PDZRN4: variants seen among roughly 807,000 people sequenced by gnomAD.
PDZRN4 encodes the protein PDZ domain containing ring finger 4, also known as PDZ domain-containing RING finger protein 4.
PDZRN4 carries 70 observed loss-of-function variants against 99.0 expected under a neutral mutation model. The ratio of observed to expected loss-of-function variants is 0.71; its 90% CI spans 0.58 to 0.86. PDZRN4 has a LOEUF of 0.86. PDZRN4 is among the 40% of genes least tolerant of loss of function. The pLI, the probability that PDZRN4 is intolerant of heterozygous loss-of-function variation, is 0.00. For missense variants in PDZRN4, 1,474 were observed against 1,331.2 expected (o/e 1.11, Z -1.67); for synonymous variants, 551 against 501.6 (o/e 1.10, Z -1.32).
At chr12:41,326,112 T>C (rs1951707964) in intron 3 of PDZRN4, among the ~76,000 whole-genome samples, 1 of 151,232 alleles carries the variant, frequency 6.6e-6, no homozygotes, top group African/African-American at 2.4e-5. Context: ...GCCTCCTGAA[T>C]AGCTGGGACT....
intron 3 of PDZRN4, among the ~76,000 whole-genome samples, chr12:41,199,578 T>A (rs1370337311): frequency 1.3e-5 from 2 of 152,142 alleles, no homozygotes; most frequent in Admixed American, 6.6e-5. Flanking sequence ...GCAGCACCAT[T>A]CACAATAGCA....
chr12:41,267,092 T>C (rs758548763), intron 3 of PDZRN4, among the ~76,000 whole-genome samples: 1 of 152,170 alleles, frequency 6.6e-6, no homozygotes, highest in Non-Finnish European at 1.5e-5. Flanking sequence ...TAGTTAAAAA[T>C]AACTGTAGTG....
chr12:41,555,498 T>C (rs1340126976), intron 6 of PDZRN4, among the ~76,000 whole-genome samples, 200 bp from the exon 7 acceptor site: 2 of 152,184 alleles, frequency 1.3e-5, no homozygotes, highest in Non-Finnish European at 2.9e-5. Context: ...CCTCACAATT[T>C]TATTCATGTT....
At chr12:41,332,781 A>G (rs1051136112) in intron 3 of PDZRN4, among the ~76,000 whole-genome samples, 14 of 151,824 alleles carry the variant, frequency 9.2e-5, no homozygotes, top group African/African-American at 3.1e-4. Flanking sequence ...GGAAGTGACA[A>G]TAAGTAGAAG....
At chr12:41,564,476 T>A (rs544698073) in intron 8 of PDZRN4, among the ~76,000 whole-genome samples, 1 of 152,320 alleles carries the variant, frequency 6.6e-6, no homozygotes, top group African/African-American at 2.4e-5. Flanking sequence ...GTTAGTTATA[T>A]CGCCATTTGT....
intron 3 of PDZRN4, among the ~76,000 whole-genome samples, chr12:41,340,150 C>T (rs1480586549): frequency 2.6e-5 from 4 of 152,032 alleles, no homozygotes. Context: ...GTTCTGCTTA[C>T]AATAGCCAAG....
At chr12:41,259,502 T>A (rs2120827492) in intron 3 of PDZRN4, among the ~76,000 whole-genome samples, 1 of 152,200 alleles carries the variant, frequency 6.6e-6, no homozygotes, top group East Asian at 1.9e-4. Context: ...TTGAAAGTGT[T>A]TATTTGTGTT....
At chr12:41,537,891 C>T (rs112088661) in intron 5 of PDZRN4, among the ~76,000 whole-genome samples, 2,064 of 152,206 alleles carry the variant, frequency 0.014, 19 homozygotes, top group Non-Finnish European at 0.021. Context: ...AAGACCAACC[C>T]GCTCATGTGG....
chr12:41,322,390 A>G (rs974753868), intron 3 of PDZRN4, among the ~76,000 whole-genome samples: 2 of 151,922 alleles, frequency 1.3e-5, no homozygotes, highest in African/African-American at 4.8e-5. Flanking sequence ...TCATACTGGG[A>G]AAGTACTCCA....
At chr12:41,260,813 G>C (rs1380350383) in intron 3 of PDZRN4, among the ~76,000 whole-genome samples, 1 of 152,022 alleles carries the variant, frequency 6.6e-6, no homozygotes, top group African/African-American at 2.4e-5. Flanking sequence ...CACTTCCTTA[G>C]TTTCATCCAC....
intron 3 of PDZRN4, among the ~76,000 whole-genome samples, chr12:41,341,428 G>A (rs893672266): frequency 6.6e-6 from 1 of 151,834 alleles, no homozygotes. Context: ...CTATTTGCAG[G>A]AGATGTGATC....
At chr12:41,367,581 G>A (rs976072886) in intron 3 of PDZRN4, among the ~76,000 whole-genome samples, 3 of 151,976 alleles carry the variant, frequency 2.0e-5, no homozygotes, top group Non-Finnish European at 4.4e-5. Context: ...GAAGCCTACA[G>A]TGTCTCATCG....
chr12:41,475,099 C>T (rs1592075291), intron 3 of PDZRN4, among the ~76,000 whole-genome samples: 1 of 152,242 alleles, frequency 6.6e-6, no homozygotes, highest in East Asian at 1.9e-4. Flanking sequence ...TTCTGTTTCT[C>T]CTACCTAGAA....
intron 3 of PDZRN4, among the ~76,000 whole-genome samples, chr12:41,336,341 C>T (rs1951774213): frequency 1.3e-5 from 2 of 152,230 alleles, no homozygotes; most frequent in South Asian, 2.1e-4. Context: ...GAGCTAATTG[C>T]TGAAGTTGAT....
intron 3 of PDZRN4, among the ~76,000 whole-genome samples, chr12:41,209,101 T>C (rs1950869789): frequency 6.6e-6 from 1 of 151,896 alleles, no homozygotes; most frequent in Non-Finnish European, 1.5e-5. Context: ...CTTTGTAAGA[T>C]AATTTTTTAA....
intron 3 of PDZRN4, chr12:41,477,864 G>A: frequency 1.3e-6 from 2 of 1,540,392 alleles, no homozygotes; most frequent in African/African-American, 1.4e-5. Context: ...GCATTTTTCA[G>A]GTAAGAGACA....
chr12:41,393,057 G>T (rs1416129774), intron 3 of PDZRN4, among the ~76,000 whole-genome samples: 1 of 152,126 alleles, frequency 6.6e-6, no homozygotes, highest in Non-Finnish European at 1.5e-5. Context: ...TATCACCAGT[G>T]CCTATGGAAT....
At chr12:41,213,167 A>G (rs1950898692) in intron 3 of PDZRN4, among the ~76,000 whole-genome samples, 1 of 152,044 alleles carries the variant, frequency 6.6e-6, no homozygotes, top group South Asian at 2.1e-4. Flanking sequence ...ATAGGAACCC[A>G]TGAAAGTATT....
intron 3 of PDZRN4, among the ~76,000 whole-genome samples, chr12:41,449,592 G>T (rs1057049934): frequency 6.6e-6 from 1 of 152,174 alleles, no homozygotes; most frequent in Non-Finnish European, 1.5e-5. Flanking sequence ...AGCAATATTA[G>T]TTCTGTGTGT....
Sources: gnomAD v4.1 joint callset for allele counts (sites outside exome capture counted in the v4.1 genomes callset) on GRCh38, gnomAD v4.1.1 for gene constraint, MANE v1.5 for transcripts, NCBI Gene and HGNC (gene_info 2026-07-23, HGNC 2026-07-21) for gene names.